SPSB4: variants seen among roughly 807,000 people sequenced by gnomAD.
The protein encoded by SPSB4 is splA/ryanodine receptor domain and SOCS box containing 4, also known as SPRY domain-containing SOCS box protein 4.
SPSB4 carries 21 observed loss-of-function variants against 20.9 expected under a neutral mutation model. The ratio of observed to expected loss-of-function variants is 1.01; its 90% CI spans 0.71 to 1.45. The LOEUF (loss-of-function observed/expected upper bound fraction) is 1.45. Ranked by LOEUF, SPSB4 falls within the 40% of genes most tolerant of loss-of-function variation. The pLI is 0.00. For synonymous variants in SPSB4, 207 were observed against 183.8 expected (o/e 1.13, Z -1.02); for missense variants, 399 against 399.2 (o/e 1.00, Z 0.00).
At chr3:141,139,953 A>G (rs1939296264) in intron 2 of SPSB4, among the ~76,000 whole-genome samples, 1 of 151,818 alleles carries the variant, frequency 6.6e-6, no homozygotes, top group African/African-American at 2.4e-5. Flanking sequence ...CCATTCTCCC[A>G]GTCACTTTCA....
chr3:141,084,875 A>G (rs139902316), intron 2 of SPSB4, among the ~76,000 whole-genome samples: 15 of 152,282 alleles, frequency 9.9e-5, no homozygotes. Context: ...GCCTGGGCCC[A>G]TGGGGAAGAT....
intron 2 of SPSB4, among the ~76,000 whole-genome samples, chr3:141,139,333 A>G (rs1452015744): frequency 1.3e-5 from 2 of 152,158 alleles, no homozygotes; most frequent in Non-Finnish European, 2.9e-5. Flanking sequence ...TAGCCCATTT[A>G]CATTTAAGAT....
At chr3:141,076,166 C>T (rs1938105545) in intron 2 of SPSB4, among the ~76,000 whole-genome samples, 1 of 152,258 alleles carries the variant, frequency 6.6e-6, no homozygotes, top group South Asian at 2.1e-4. Flanking sequence ...TCCAGCTCAG[C>T]CTGGGGTTAC....
At chr3:141,103,213 A>C (rs1445852393) in intron 2 of SPSB4, among the ~76,000 whole-genome samples, 1 of 152,222 alleles carries the variant, frequency 6.6e-6, no homozygotes, top group Non-Finnish European at 1.5e-5. Context: ...CAGACCTAGC[A>C]TGCCCTTTCA....
chr3:141,129,761 G>T (rs1939105776), intron 2 of SPSB4, among the ~76,000 whole-genome samples: 1 of 152,222 alleles, frequency 6.6e-6, no homozygotes, highest in South Asian at 2.1e-4. Context: ...CCCTGTTCTG[G>T]GTTGTCCCCT....
intron 2 of SPSB4, among the ~76,000 whole-genome samples, chr3:141,069,368 A>G (rs1458145043): frequency 6.6e-6 from 1 of 152,138 alleles, no homozygotes; most frequent in Non-Finnish European, 1.5e-5. Flanking sequence ...TCCACCATGA[A>G]TCCCTGGGTT....
Position 141,079,264 on chromosome 3 carries a change from C to CAA in SPSB4, c.694+12479_694+12480dup, listed in dbSNP as rs112482116. Among the ~76,000 whole-genome samples, 547 of 122,118 alleles carry CAA rather than the reference C, an allele frequency of 4.5e-3. 7 individuals carry two copies. Among genetic ancestry groups the CAA allele is most frequent in the African/African-American group, 0.014 (497 of 34,490 alleles). The allele number at this position is 122,118 out of a possible 152,430, so 80.1% of individuals were successfully genotyped here. A position where few individuals can be genotyped will look rare whatever the true frequency, so the allele number is the denominator to read the frequency against. On this transcript the variant is annotated intron_variant, in intron 2 of 2. Coordinates refer to ENST00000310546, the MANE Select transcript of SPSB4 (RefSeq NM_080862.3). ...CTCCAGACAGAGCAAGACTCCATCT[C>CAA]AAAAAAAAAAAAAAGAAAAGCACAT...
intron 2 of SPSB4, among the ~76,000 whole-genome samples, chr3:141,111,554 C>T (rs986702756): frequency 2.2e-4 from 34 of 151,746 alleles, no homozygotes; most frequent in African/African-American, 7.5e-4. Flanking sequence ...GCCTGGGCTG[C>T]GAGAAACTGC....
intron 2 of SPSB4, among the ~76,000 whole-genome samples, chr3:141,139,912 A>G (rs1447785533): frequency 6.6e-6 from 1 of 152,116 alleles, no homozygotes; most frequent in East Asian, 1.9e-4. Context: ...TCTCCTGGAT[A>G]ATATCCTGCA....
chr3:141,146,996 A>G, intron 2 of SPSB4, 146 bp from the exon 3 acceptor site: 1 of 1,098,856 alleles, frequency 9.1e-7, no homozygotes, highest in Non-Finnish European at 1.3e-6. Flanking sequence ...AGCTTATGTA[A>G]CCAGAGAAAT....
chr3:141,085,109 G>C (rs1009292626), intron 2 of SPSB4, among the ~76,000 whole-genome samples: 1 of 152,156 alleles, frequency 6.6e-6, no homozygotes, highest in Non-Finnish European at 1.5e-5. Context: ...GTGGCAGAAG[G>C]GTGCTTCAGA....
chr3:141,127,924 A>C (rs1403319736), intron 2 of SPSB4, among the ~76,000 whole-genome samples: 1 of 152,198 alleles, frequency 6.6e-6, no homozygotes, highest in African/African-American at 2.4e-5. Flanking sequence ...TTCATTTCCT[A>C]GTCCTTAGCC....
At chr3:141,105,418 C>G (rs1938672421) in intron 2 of SPSB4, among the ~76,000 whole-genome samples, 1 of 152,148 alleles carries the variant, frequency 6.6e-6, no homozygotes, top group Non-Finnish European at 1.5e-5. Context: ...CCTTTTGCCT[C>G]TAGTAATAAG....
chr3:141,092,195 C>A (rs1197375306), intron 2 of SPSB4, among the ~76,000 whole-genome samples: 1 of 152,200 alleles, frequency 6.6e-6, no homozygotes, highest in Non-Finnish European at 1.5e-5. Context: ...CCCCTCTGAG[C>A]TTTGGCTTTC....
At chr3:141,087,395 G>A (rs1470204738) in intron 2 of SPSB4, among the ~76,000 whole-genome samples, 1 of 152,170 alleles carries the variant, frequency 6.6e-6, no homozygotes, top group Non-Finnish European at 1.5e-5. Context: ...AAGCACCAGG[G>A]GGCCTTGGAC....
In SPSB4 at chr3:141,088,779, C is replaced by T. The variant is rs537290957; in HGVS notation, c.694+21981C>T. ...GCAGCTCATTCACACATTCTCTCTA[C>T]TCTTCCTCCCTTCCCTGTCTCACTT... On this transcript the variant is annotated intron_variant, in intron 2 of 2. Transcript: ENST00000310546. 2.0e-5 allele frequency among the ~76,000 whole-genome samples: 3 copies of T among 152,276 alleles called. No individual in the cohort carries two copies. The South Asian group carries it at 6.2e-4, about 32-fold the overall frequency.
intron 2 of SPSB4, among the ~76,000 whole-genome samples, chr3:141,094,644 G>T (rs114774676): frequency 0.011 from 1,673 of 152,134 alleles, 11 homozygotes; most frequent in Non-Finnish European, 0.018. Context: ...CCCAAAAGTC[G>T]TGTAACAAAA....
At chr3:141,114,824 T>G (rs938515138) in intron 2 of SPSB4, among the ~76,000 whole-genome samples, 2 of 152,258 alleles carry the variant, frequency 1.3e-5, no homozygotes, top group Non-Finnish European at 2.9e-5. Flanking sequence ...CTACCCCTTG[T>G]CTACGGTAAA....
intron 2 of SPSB4, among the ~76,000 whole-genome samples, chr3:141,104,076 T>G (rs1938652506): frequency 6.6e-6 from 1 of 152,114 alleles, no homozygotes; most frequent in Admixed American, 6.5e-5. Flanking sequence ...GTGAAATAAA[T>G]AATACCAGCA....
Sources: allele counts gnomAD v4.1 joint callset (sites outside exome capture counted in the v4.1 genomes callset), GRCh38; gene constraint gnomAD v4.1.1; transcripts MANE v1.5; gene names NCBI Gene and HGNC (gene_info 2026-07-23, HGNC 2026-07-21).